The following KDM2A variants were observed in gnomAD, a reference collection of about 807,000 sequenced individuals.
The protein encoded by KDM2A is lysine-specific demethylase 2A.
In KDM2A, 3 loss-of-function variants were observed where a neutral mutation model predicts 137.3. The observed-to-expected ratio is 0.02, with a 90% CI of 0.01 to 0.06. The LOEUF is 0.06. Among genes scored for constraint, KDM2A ranks in the 10% least tolerant of loss-of-function variants. The probability of loss-of-function intolerance (pLI) is 1.00; values close to 1 mark genes in which losing one functional copy is unlikely to be tolerated. For synonymous variants in KDM2A, 512 were observed against 541.5 expected (o/e 0.95, Z 0.76); for missense variants, 738 against 1,510.6 (o/e 0.49, Z 8.48).
intron 12 of KDM2A, among the ~76,000 whole-genome samples, chr11:67,236,877 C>G (rs1287826176): frequency 6.6e-6 from 1 of 152,190 alleles, no homozygotes; most frequent in East Asian, 1.9e-4. Context: ...GGAAACTATG[C>G]AGACATGCCG....
chr11:67,171,605 T>G (rs1429299969), intron 2 of KDM2A, among the ~76,000 whole-genome samples: 1 of 152,262 alleles, frequency 6.6e-6, no homozygotes, highest in East Asian at 1.9e-4. Flanking sequence ...TTTCTGCTAT[T>G]ACCCAAAAAG....
intron 5 of KDM2A, among the ~76,000 whole-genome samples, chr11:67,190,176 G>A (rs1186681778): frequency 6.6e-6 from 1 of 152,180 alleles, no homozygotes; most frequent in Non-Finnish European, 1.5e-5. Flanking sequence ...TTGGGAGGCC[G>A]AGGCGGGTGG....
chr11:67,169,713 TCTTCTCTCTCTCTCTCTC>T (rs1201481659), intron 2 of KDM2A, among the ~76,000 whole-genome samples: 3 of 143,384 alleles, frequency 2.1e-5, no homozygotes, highest in Admixed American at 7.1e-5. Flanking sequence ...TTTTCTTTTT[TCTTCTCTCTCTCTCTCTC>T]CTTCTCTCTC....
intron 2 of KDM2A, chr11:67,132,118 A>G (rs1855866208): frequency 6.6e-6 from 1 of 152,160 alleles, no homozygotes; most frequent in African/African-American, 2.4e-5. Context: ...TCAGGTGGTA[A>G]AGACAGCATA....
At chr11:67,223,542 A>G (rs1259270329) in intron 10 of KDM2A, among the ~76,000 whole-genome samples, 1 of 152,064 alleles carries the variant, frequency 6.6e-6, no homozygotes, top group Non-Finnish European at 1.5e-5. Flanking sequence ...AGCTGGGACC[A>G]CAGACGCACA....
intron 2 of KDM2A, among the ~76,000 whole-genome samples, chr11:67,175,374 T>C (rs1424259958): frequency 6.6e-6 from 1 of 152,128 alleles, no homozygotes; most frequent in Non-Finnish European, 1.5e-5. Flanking sequence ...GGGTCAAGGC[T>C]ACAGTGAGCT....
chr11:67,153,159 A>G (rs1856434401), intron 2 of KDM2A, among the ~76,000 whole-genome samples: 1 of 151,906 alleles, frequency 6.6e-6, no homozygotes, highest in African/African-American at 2.4e-5. Context: ...TAATTTTTGT[A>G]TTTTTAATAG....
rs1565431185 is a variant in KDM2A, at chr11:67,257,094, G to C, written c.*2039G>C. ...TGGAAAATACTGAAAAGATTACTTT[G>C]TTTTATTTTGTTGTCTTTTTATAAA... On this transcript the variant is annotated 3_prime_UTR_variant, in exon 21 of 21. Coordinates refer to ENST00000529006, the MANE Select transcript of KDM2A (RefSeq NM_012308.3). 6.6e-6 allele frequency: 1 copy of C among 152,212 alleles called. No individual in the cohort carries two copies. The highest frequency in any genetic ancestry group is 1.5e-5 in the Non-Finnish European group (1 of 68,014). The allele number at this position is 152,212 out of a possible 1,614,324, so 9.4% of individuals were successfully genotyped here.
chr11:67,212,805 T>A (rs1858033136), intron 6 of KDM2A, among the ~76,000 whole-genome samples: 1 of 152,248 alleles, frequency 6.6e-6, no homozygotes, highest in South Asian at 2.1e-4. Flanking sequence ...AATACTCATA[T>A]GTTCTGAACC....
intron 2 of KDM2A, among the ~76,000 whole-genome samples, chr11:67,178,721 T>C (rs1857023126): frequency 6.6e-6 from 1 of 152,248 alleles, no homozygotes. Context: ...CATAGCGTTA[T>C]TTCATTCCTT....
At chr11:67,246,235 C>A in intron 15 of KDM2A, 119 bp downstream of exon 15, 1 of 1,080,878 alleles carries the variant, frequency 9.3e-7, no homozygotes, top group Non-Finnish European at 1.4e-6. Flanking sequence ...GCTCTGTGGT[C>A]ACATAATGCA....
chr11:67,124,034 C>T (rs150547728), intron 2 of KDM2A, among the ~76,000 whole-genome samples: 1,771 of 151,988 alleles, frequency 0.012, 28 homozygotes, highest in African/African-American at 0.038. Flanking sequence ...GACTGAGTCT[C>T]GCTCTGTTGC....
chr11:67,200,699 G>A (rs562628531), intron 5 of KDM2A, among the ~76,000 whole-genome samples: 2 of 151,838 alleles, frequency 1.3e-5, no homozygotes, highest in Admixed American at 6.6e-5. Context: ...TAGAGACACA[G>A]TTTGACCCTG....
At chr11:67,171,859 G>C (rs563978447) in intron 2 of KDM2A, among the ~76,000 whole-genome samples, 9 of 152,338 alleles carry the variant, frequency 5.9e-5, no homozygotes, top group African/African-American at 1.9e-4. Context: ...AAGTGTAAGA[G>C]TTTATGCCTG....
At chr11:67,155,855 A>G (rs989685386) in intron 2 of KDM2A, among the ~76,000 whole-genome samples, 6 of 144,192 alleles carry the variant, frequency 4.2e-5, no homozygotes, top group African/African-American at 1.5e-4. Flanking sequence ...ACCTCAGGTG[A>G]TCCGCCTGCC....
chr11:67,139,142 C>A lies in KDM2A; in HGVS notation c.42+17784C>A, dbSNP rs538291495. Among the ~76,000 whole-genome samples the A allele has an allele frequency of 2.0e-5, 3 of 152,120 alleles. No individual in the cohort carries two copies. In the South Asian group the frequency reaches 6.2e-4, roughly 32 times the overall value. On this transcript the variant is annotated intron_variant, in intron 2 of 20. Transcript: ENST00000529006. ...AACCTTCAGTGAGTACAGAAGGGGC[C>A]CATTACTACGCCCTTCCTGGTGACA...
chr11:67,255,461 G>A lies in KDM2A; in HGVS notation c.*406G>A, dbSNP rs1859570505. ...TGAGCAAACTCCCAGGGAAGAAAACGGCCCTGTCTCCATGGCCAGGTTCTT... is the reference window on the plus strand; with the variant it reads ...TGAGCAAACTCCCAGGGAAGAAAACAGCCCTGTCTCCATGGCCAGGTTCTT... On this transcript the variant is annotated 3_prime_UTR_variant, in exon 21 of 21. Coordinates refer to ENST00000529006, the MANE Select transcript of KDM2A (RefSeq NM_012308.3). 2.2e-6 allele frequency: 1 copy of A among 459,788 alleles called. No homozygotes were observed. The highest frequency in any genetic ancestry group is 1.5e-5 in the South Asian group (1 of 64,590). The allele number at this position is 459,788 out of a possible 1,614,324, so 28.5% of individuals were successfully genotyped here.
intron 11 of KDM2A, 138 bp downstream of exon 11, chr11:67,228,301 A>G (rs1004818288): frequency 9.0e-5 from 79 of 879,664 alleles, no homozygotes; most frequent in Non-Finnish European, 1.2e-4. Context: ...TCATCACTGG[A>G]ATTGAATACC....
chr11:67,239,385 G>A (rs1410870013), intron 12 of KDM2A, among the ~76,000 whole-genome samples: 1 of 152,134 alleles, frequency 6.6e-6, no homozygotes, highest in Non-Finnish European at 1.5e-5. Context: ...ATCAGAAGCA[G>A]GCATCTGTTT....
Sources: gnomAD v4.1 joint callset for allele counts (sites outside exome capture counted in the v4.1 genomes callset) on GRCh38, gnomAD v4.1.1 for gene constraint, MANE v1.5 for transcripts, NCBI Gene and HGNC (gene_info 2026-07-23, HGNC 2026-07-21) for gene names.